Variants in TANC2 observed in about 807,000 individuals in gnomAD.
TANC2 encodes the protein tetratricopeptide repeat, ankyrin repeat and coiled-coil containing 2.
In TANC2, 26 loss-of-function variants were observed where a neutral mutation model predicts 210.5. That is an observed-to-expected ratio of 0.12 (90% CI 0.09 to 0.17). The LOEUF (loss-of-function observed/expected upper bound fraction) is 0.17, where lower values mean the gene tolerates loss of function less well. Among genes scored for constraint, TANC2 ranks in the 10% least tolerant of loss-of-function variants. The probability of loss-of-function intolerance (pLI) is 1.00; values close to 1 mark genes in which losing one functional copy is unlikely to be tolerated. For synonymous variants in TANC2, 931 were observed against 967.1 expected, an observed-to-expected ratio of 0.96 and a Z score of 0.69; for missense variants, 2,129 against 2,608.9, an observed-to-expected ratio of 0.82 and a Z score of 4.01.
Position 63,133,871 on chromosome 17 carries a change from A to G in TANC2, c.323-17399A>G, listed in dbSNP as rs1485049665. ...ATAGAATGGGTAGAATTTGTACTGC[A>G]AATTTATAAAACCAGAATCATAAAT... On this transcript the variant is annotated intron_variant, in intron 4 of 27. Transcript: ENST00000689528. 3.9e-5 allele frequency among the ~76,000 whole-genome samples: 6 copies of G among 152,274 alleles called. No individual in the cohort carries two copies. In the East Asian group the frequency reaches 1.2e-3, roughly 29 times the overall value.
At chr17:63,128,993 A>C (rs1023162550) in intron 4 of TANC2, among the ~76,000 whole-genome samples, 3 of 152,104 alleles carry the variant, frequency 2.0e-5, no homozygotes, top group Non-Finnish European at 4.4e-5. Context: ...TTATAGAAGT[A>C]GTTAAGTAGC....
chr17:63,205,372 A>AAAAAAAAAAAAAAAAAC (rs1472135033), intron 7 of TANC2, among the ~76,000 whole-genome samples: 3 of 131,810 alleles, frequency 2.3e-5, no homozygotes, highest in Non-Finnish European at 3.2e-5. Flanking sequence ...AAAAAAAAAA[A>AAAAAAAAAAAAAAAAAC]CCTCATACAC....
intron 9 of TANC2, among the ~76,000 whole-genome samples, chr17:63,282,826 C>G (rs1402286692): frequency 6.6e-6 from 1 of 151,990 alleles, no homozygotes; most frequent in Non-Finnish European, 1.5e-5. Flanking sequence ...TGAACATCCT[C>G]TTTAAGTTGT....
chr17:63,135,609 T>TAG (rs1567753360), intron 4 of TANC2, among the ~76,000 whole-genome samples: 1 of 152,170 alleles, frequency 6.6e-6, no homozygotes. Context: ...AGAGATAGGA[T>TAG]TTCTGGTAAA....
intron 8 of TANC2, among the ~76,000 whole-genome samples, chr17:63,259,044 A>C (rs1201976542): frequency 1.3e-5 from 2 of 152,106 alleles, no homozygotes; most frequent in African/African-American, 2.4e-5. Flanking sequence ...ACAAATAATG[A>C]ATCCTGCCAG....
At chr17:63,267,492 T>C (rs1281963759) in intron 8 of TANC2, among the ~76,000 whole-genome samples, 1 of 152,212 alleles carries the variant, frequency 6.6e-6, no homozygotes, top group Non-Finnish European at 1.5e-5. Context: ...TTTAAGGTTA[T>C]AGAACCTCTT....
At chr17:63,390,893 T>C (rs986222250) in intron 17 of TANC2, 5 of 152,244 alleles carry the variant, frequency 3.3e-5, no homozygotes, top group Non-Finnish European at 7.3e-5. Flanking sequence ...ATGTAACTCA[T>C]ATGTACTTCT....
At chr17:63,119,609 A>C (rs2038384486) in intron 4 of TANC2, among the ~76,000 whole-genome samples, 1 of 152,234 alleles carries the variant, frequency 6.6e-6, no homozygotes, top group Non-Finnish European at 1.5e-5. Flanking sequence ...TGTATATTTA[A>C]TAATTGTGTA....
chr17:63,189,465 A>G (rs1234658076), intron 5 of TANC2, among the ~76,000 whole-genome samples: 3 of 152,162 alleles, frequency 2.0e-5, no homozygotes, highest in Non-Finnish European at 4.4e-5. Context: ...ATATAACTTG[A>G]TATCTCCTTG....
intron 9 of TANC2, among the ~76,000 whole-genome samples, chr17:63,269,360 A>C (rs762287829): frequency 1.2e-4 from 18 of 152,096 alleles, no homozygotes; most frequent in Non-Finnish European, 2.1e-4. Context: ...TAGACTAATT[A>C]CATCTAAAGT....
At chr17:63,257,106 G>T (rs186676114) in intron 8 of TANC2, among the ~76,000 whole-genome samples, 1 of 146,632 alleles carries the variant, frequency 6.8e-6, no homozygotes, top group South Asian at 2.1e-4. Flanking sequence ...ATTCAGCCAC[G>T]CTGTGTCTTT....
At chr17:63,187,658 G>C (rs747810232) in intron 5 of TANC2, among the ~76,000 whole-genome samples, 5 of 151,890 alleles carry the variant, frequency 3.3e-5, no homozygotes, top group Non-Finnish European at 7.4e-5. Flanking sequence ...TAAACCCACA[G>C]ATACAAGAAG....
At chr17:63,310,772 A>T (rs1164835122) in intron 9 of TANC2, among the ~76,000 whole-genome samples, 1 of 152,218 alleles carries the variant, frequency 6.6e-6, no homozygotes, top group Non-Finnish European at 1.5e-5. Context: ...ATTAACAAAG[A>T]TAAAGAATAA....
intron 2 of TANC2, among the ~76,000 whole-genome samples, chr17:63,051,913 T>G (rs1054667357): frequency 6.6e-6 from 1 of 152,198 alleles, no homozygotes; most frequent in East Asian, 1.9e-4. Flanking sequence ...TTATATGTAT[T>G]TTCAGCTTAT....
chr17:63,222,893 C>T (rs1249974873), intron 7 of TANC2, among the ~76,000 whole-genome samples: 1 of 152,052 alleles, frequency 6.6e-6, no homozygotes, highest in Admixed American at 6.6e-5. Context: ...AAATGCCCAC[C>T]CACAGATGAA....
chr17:63,145,110 G>GA (rs1291568125), intron 4 of TANC2, among the ~76,000 whole-genome samples: 1 of 151,906 alleles, frequency 6.6e-6, no homozygotes, highest in Non-Finnish European at 1.5e-5. Context: ...AATTAAAAGG[G>GA]AAAATCTCCT....
chr17:63,411,393 T>A, intron 21 of TANC2, 118 bp from the exon 22 acceptor site: 1 of 994,184 alleles, frequency 1.0e-6, no homozygotes, highest in Middle Eastern at 3.2e-4. Context: ...AGTCTTAAAA[T>A]GGAAATAGTC....
intron 3 of TANC2, among the ~76,000 whole-genome samples, chr17:63,077,686 A>G (rs552885307): frequency 6.6e-6 from 1 of 152,214 alleles, no homozygotes; most frequent in East Asian, 1.9e-4. Context: ...TGTGTAAGAA[A>G]GGAGATGTTA....
intron 2 of TANC2, among the ~76,000 whole-genome samples, chr17:63,073,194 A>C (rs186091999): frequency 4.7e-4 from 72 of 152,210 alleles, no homozygotes; most frequent in African/African-American, 1.7e-3. Flanking sequence ...ATTTTATATT[A>C]TACTTTACAT....
Sources: allele counts gnomAD v4.1 joint callset (sites outside exome capture counted in the v4.1 genomes callset), GRCh38; gene constraint gnomAD v4.1.1; transcripts MANE v1.5; gene names NCBI Gene and HGNC (gene_info 2026-07-23, HGNC 2026-07-21).